Variants in MEGF11 observed in about 807,000 individuals in gnomAD.
MEGF11 encodes the protein multiple epidermal growth factor-like domains protein 11.
MEGF11 carries 126 observed loss-of-function variants against 146.6 expected under a neutral mutation model. The observed-to-expected ratio is 0.86, with a 90% CI of 0.74 to 1.00. The LOEUF (loss-of-function observed/expected upper bound fraction) is 1.00. Among genes scored for constraint, MEGF11 ranks in the 50% least tolerant of loss-of-function variants. The probability of loss-of-function intolerance (pLI) is 0.00; values close to 1 mark genes in which losing one functional copy is unlikely to be tolerated. For missense variants in MEGF11, 1,509 were observed against 1,521.2 expected (o/e 0.99, Z 0.13); for synonymous variants, 532 against 583.4 (o/e 0.91, Z 1.27).
At chr15:66,004,803 A>T (rs1279272831) in intron 5 of MEGF11, among the ~76,000 whole-genome samples, 2 of 152,198 alleles carry the variant, frequency 1.3e-5, no homozygotes, top group African/African-American at 4.8e-5. Context: ...AAGCCTCACA[A>T]CACCCAGGGC....
Position 65,982,491 on chromosome 15 carries a change from G to T in MEGF11, c.395-3C>A. 1 of 1,473,192 alleles carries T rather than the reference G, an allele frequency of 6.8e-7. No homozygotes were observed. Among genetic ancestry groups the T allele is most frequent in the Non-Finnish European group, 9.0e-7 (1 of 1,112,544 alleles). The allele number at this position is 1,473,192 out of a possible 1,614,324, so 91.3% of individuals were successfully genotyped here. On this transcript the variant is annotated splice_region_variant and splice_polypyrimidine_tract_variant and intron_variant, in intron 5 of 25. Coordinates refer to ENST00000395614, the MANE Select transcript of MEGF11 (RefSeq NM_001385028.1). This position sits in a 1 kb window ranked among gnomAD's most constrained non-coding sequence, Gnocchi z 5.6. ...CCCCCAGTGGTCGCTGTCGCAGCCTGCAAGAGACGGGACAGTCAGGGATCA... is the reference window on the plus strand; with the variant it reads ...CCCCCAGTGGTCGCTGTCGCAGCCTTCAAGAGACGGGACAGTCAGGGATCA...
At chr15:66,210,167 T>C (rs2091408739) in intron 1 of MEGF11, among the ~76,000 whole-genome samples, 1 of 152,232 alleles carries the variant, frequency 6.6e-6, no homozygotes, top group African/African-American at 2.4e-5. Flanking sequence ...GTCAATATCC[T>C]GGTTATGACA....
chr15:66,148,189 A>G (rs533570098), intron 1 of MEGF11, among the ~76,000 whole-genome samples: 12 of 152,076 alleles, frequency 7.9e-5, no homozygotes, highest in Admixed American at 2.6e-4. Context: ...GTTGGCAGGG[A>G]CTCCCTGAGT....
chr15:65,913,222 T>C (rs2078872797), intron 20 of MEGF11, among the ~76,000 whole-genome samples: 1 of 152,134 alleles, frequency 6.6e-6, no homozygotes, highest in South Asian at 2.1e-4. Flanking sequence ...AGAGGGACAT[T>C]GTCCAAACTT....
chr15:66,105,326 C>T (rs2087017351), intron 4 of MEGF11, among the ~76,000 whole-genome samples: 1 of 152,148 alleles, frequency 6.6e-6, no homozygotes, highest in Admixed American at 6.5e-5. Flanking sequence ...GAGAAGGAGG[C>T]CCTGCCTGGC....
intron 1 of MEGF11, among the ~76,000 whole-genome samples, chr15:66,141,744 C>T (rs1274467262): frequency 6.6e-6 from 1 of 152,146 alleles, no homozygotes; most frequent in African/African-American, 2.4e-5. Context: ...AGGAGATGGG[C>T]TGCAGATGAG....
chr15:66,021,804 C>T (rs1331297448), intron 5 of MEGF11, among the ~76,000 whole-genome samples: 1 of 152,246 alleles, frequency 6.6e-6, no homozygotes, highest in East Asian at 1.9e-4. Context: ...AGGGGGAACA[C>T]TGGCACTTGT....
At chr15:66,196,678 T>C (rs983043212) in intron 1 of MEGF11, among the ~76,000 whole-genome samples, 1 of 152,206 alleles carries the variant, frequency 6.6e-6, no homozygotes, top group African/African-American at 2.4e-5. Flanking sequence ...ATTCACTCCA[T>C]CTACTTTCAA....
chr15:65,917,663 C>T (rs1169312614), intron 16 of MEGF11, among the ~76,000 whole-genome samples: 1 of 152,220 alleles, frequency 6.6e-6, no homozygotes, highest in Non-Finnish European at 1.5e-5. Context: ...TGCACCACCT[C>T]TTCCCCATCC....
In MEGF11 at chr15:66,038,964, G is replaced by A. The variant is rs558372856; in HGVS notation, c.394+55438C>T. Among the ~76,000 whole-genome samples, 5 of 152,270 alleles carry A rather than the reference G, an allele frequency of 3.3e-5. No homozygotes were observed. The South Asian group carries it at 1.0e-3, about 32-fold the overall frequency. The stretch of plus-strand genomic sequence containing the variant: ...ACTCAGGGCACATACTCCTGCCAGT[G>A]CAGTCTAGGGAATGGTTCTCAAATT... On this transcript the variant is annotated intron_variant, in intron 5 of 25. Transcript: ENST00000395614.
At chr15:65,970,160 C>G (rs889968361) in intron 8 of MEGF11, among the ~76,000 whole-genome samples, 1 of 152,102 alleles carries the variant, frequency 6.6e-6, no homozygotes, top group Admixed American at 6.6e-5. Flanking sequence ...TTGGTGGAAC[C>G]CAAATTAGGA....
At chr15:66,107,062 A>T (rs34441247) in intron 4 of MEGF11, among the ~76,000 whole-genome samples, 3 of 150,234 alleles carry the variant, frequency 2.0e-5, no homozygotes, top group Non-Finnish European at 4.4e-5. Context: ...CTACCCCCCC[A>T]CCAGGTATAG....
chr15:65,908,153 C>T (rs2078686957), intron 23 of MEGF11, among the ~76,000 whole-genome samples: 1 of 152,168 alleles, frequency 6.6e-6, no homozygotes. Flanking sequence ...GTCCATGCAG[C>T]CCATGCCTGC....
At position 65,975,156 on chromosome 15, in the gene MEGF11, G is replaced by A. The variant is rs527681892; in HGVS notation, c.763-4467C>T. Among the ~76,000 whole-genome samples, 4 of 152,252 alleles carry A rather than the reference G, an allele frequency of 2.6e-5. No homozygotes were observed. In the East Asian group the frequency reaches 7.7e-4, roughly 29 times the overall value. ...ACCACTATGCCCAGCCAAAAGAGATGGGGTCTCACTCTGTCATCCAGGCTG... is the reference window on the plus strand; with the variant it reads ...ACCACTATGCCCAGCCAAAAGAGATAGGGTCTCACTCTGTCATCCAGGCTG... On this transcript the variant is annotated intron_variant, in intron 7 of 25. Coordinates refer to ENST00000395614, the MANE Select transcript of MEGF11 (RefSeq NM_001385028.1).
At chr15:65,915,984 G>A (rs1449680817) in intron 18 of MEGF11, among the ~76,000 whole-genome samples, 164 bp downstream of exon 18, 1 of 152,174 alleles carries the variant, frequency 6.6e-6, no homozygotes, top group Non-Finnish European at 1.5e-5. Flanking sequence ...AAACAATAAT[G>A]TAGGCATGAC....
intron 15 of MEGF11, among the ~76,000 whole-genome samples, chr15:65,920,209 A>G (rs1022649950): frequency 6.6e-6 from 1 of 152,174 alleles, no homozygotes; most frequent in Non-Finnish European, 1.5e-5. Flanking sequence ...CGACTGTCCT[A>G]GGACCATGGT....
At chr15:65,923,533 C>T (rs1324846536) in intron 13 of MEGF11, among the ~76,000 whole-genome samples, 1 of 152,150 alleles carries the variant, frequency 6.6e-6, no homozygotes, top group Non-Finnish European at 1.5e-5. Context: ...GACCAGACTC[C>T]TCAGCGCAGT....
intron 16 of MEGF11, 42 bp from the exon 17 acceptor site, chr15:65,916,998 GA>G (rs753169512): frequency 2.8e-5 from 40 of 1,452,632 alleles, no homozygotes; most frequent in Non-Finnish European, 3.5e-5. Flanking sequence ...GGAAGGCAGA[GA>G]GGGGCAGACG....
chr15:66,010,447 C>A (rs2082677036), intron 5 of MEGF11, among the ~76,000 whole-genome samples: 1 of 152,112 alleles, frequency 6.6e-6, no homozygotes, highest in South Asian at 2.1e-4. Flanking sequence ...CCTGCCTTGG[C>A]CTGCCAAAGT....
Sources: gnomAD v4.1 joint callset for allele counts (sites outside exome capture counted in the v4.1 genomes callset) on GRCh38, gnomAD v4.1.1 for gene constraint, Gnocchi (gnomAD v3.1) non-coding constraint, MANE v1.5 for transcripts, NCBI Gene and HGNC (gene_info 2026-07-23, HGNC 2026-07-21) for gene names.